ZNF248: variants seen among roughly 807,000 people sequenced by gnomAD.
The protein encoded by ZNF248 is zinc finger protein 248, also known as KRAB protein domain.
A neutral mutation model predicts 44.3 loss-of-function variants in ZNF248; 20 were observed. That is an observed-to-expected ratio of 0.45 (90% CI 0.32 to 0.66). The LOEUF (loss-of-function observed/expected upper bound fraction) is 0.66, where lower values mean the gene tolerates loss of function less well. Among genes scored for constraint, ZNF248 ranks in the 30% least tolerant of loss-of-function variants. The pLI is 0.04. For missense variants in ZNF248, 654 were observed against 677.0 expected (o/e 0.97, Z 0.38); for synonymous variants, 224 against 229.0 (o/e 0.98, Z 0.20).
chr10:37,762,137 A>G, the ZNF248 span, among the ~76,000 whole-genome samples: 1 of 152,242 alleles, frequency 6.6e-6, no homozygotes, highest in Non-Finnish European at 1.5e-5. Flanking sequence ...CTAGGTAGAC[A>G]ATGAAACAAA....
intron 6 of ZNF248, chr10:37,818,908 TAGA>T: frequency 2.8e-6 from 3 of 1,088,772 alleles, no homozygotes; most frequent in Non-Finnish European, 1.4e-6. Context: ...AAGACACTGA[TAGA>T]AGATCACACC....
chr10:37,817,824 TAGA>T (rs2052759352), intron 6 of ZNF248, among the ~76,000 whole-genome samples: 1 of 152,194 alleles, frequency 6.6e-6, no homozygotes, highest in East Asian at 1.9e-4. Flanking sequence ...ACAAACTTTT[TAGA>T]AGATGTTACC....
downstream of ZNF248, among the ~76,000 whole-genome samples, chr10:37,827,766 T>C (rs2054618168): frequency 6.6e-6 from 1 of 151,774 alleles, no homozygotes; most frequent in Non-Finnish European, 1.5e-5. Flanking sequence ...CAAACAGGGG[T>C]AGGGGTTGAA....
intron 6 of ZNF248, among the ~76,000 whole-genome samples, chr10:37,793,598 A>G (rs191786993): frequency 8.2e-4 from 124 of 151,138 alleles, no homozygotes; most frequent in Middle Eastern, 6.8e-3. Context: ...TCTAATGATT[A>G]TATTAAGGGC....
chr10:37,832,282 C>T lies in ZNF248; in HGVS notation c.1073G>A (p.Gly358Glu). ...ATGTGACTTCTTGCTGAAATTACTC[C>T]CATTTTCATTGTAATCATAAGACTT... ...GGKSYDYNEN[G>E]SNFSKKSHLT... Residue 358 changes from glycine (G) to glutamate (E), a missense_variant, in exon 6 of 6, where the codon GGG becomes GAG. Coordinates refer to ENST00000395867, the MANE Select transcript of ZNF248 (RefSeq NM_021045.3). The T allele has an allele frequency of 1.9e-6, 3 of 1,614,004 alleles. No homozygotes were observed. In the South Asian group the frequency reaches 3.3e-5, roughly 18 times the overall value.
At chr10:37,764,754 T>C in the ZNF248 span, among the ~76,000 whole-genome samples, 1 of 152,256 alleles carries the variant, frequency 6.6e-6, no homozygotes, top group East Asian at 1.9e-4. Context: ...CTTTGCCATG[T>C]TGACTGTTAA....
At chr10:37,827,683 T>C (rs2054601760), downstream of ZNF248, among the ~76,000 whole-genome samples, 2 of 152,046 alleles carry the variant, frequency 1.3e-5, no homozygotes, top group Non-Finnish European at 2.9e-5. Flanking sequence ...AATAGGTAAG[T>C]CTTCCTCAGA....
the ZNF248 span, among the ~76,000 whole-genome samples, chr10:37,766,919 A>G: frequency 6.6e-6 from 1 of 152,216 alleles, no homozygotes; most frequent in South Asian, 2.1e-4. Flanking sequence ...CAACACAGAG[A>G]AGTCCTTAAA....
chr10:37,776,486 G>A (rs1002088716), downstream of ZNF248: 1 of 398,102 alleles, frequency 2.5e-6, no homozygotes, highest in Non-Finnish European at 4.4e-6. Flanking sequence ...TCAGGTTAGA[G>A]AAGCAATCTT....
chr10:37,839,707 T>G (rs998408834), intron 3 of ZNF248, among the ~76,000 whole-genome samples: 2 of 152,108 alleles, frequency 1.3e-5, no homozygotes, highest in Admixed American at 6.6e-5. Context: ...AAAGGAGAAC[T>G]TGGAAATATA....
At chr10:37,781,717 C>T (rs987665543) in intron 6 of ZNF248, among the ~76,000 whole-genome samples, 16 of 152,184 alleles carry the variant, frequency 1.1e-4, no homozygotes, top group African/African-American at 3.9e-4. Flanking sequence ...GCTTAGGTGA[C>T]TATAGTTTGT....
chr10:37,762,348 G>C, the ZNF248 span, among the ~76,000 whole-genome samples: 3 of 152,174 alleles, frequency 2.0e-5, no homozygotes, highest in African/African-American at 4.8e-5. Flanking sequence ...GGTAACATTA[G>C]TATCATCATT....
intron 3 of ZNF248, among the ~76,000 whole-genome samples, chr10:37,842,635 T>C (rs2058545288): frequency 6.6e-6 from 1 of 152,208 alleles, no homozygotes; most frequent in Admixed American, 6.5e-5. Flanking sequence ...TGCTTGTCTC[T>C]GTTTCACCTA....
rs570608405 is a variant in ZNF248 at position 37,837,393 on chromosome 10, G to A, written c.238+224C>T. On this transcript the variant is annotated intron_variant, in intron 5 of 5. Coordinates refer to ENST00000395867, the MANE Select transcript of ZNF248 (RefSeq NM_021045.3). ...CTCCCAAAGTGCTGGGATTACAGGC[G>A]TGAGCCACCGCACCCAGCCAAGAAA... Among the ~76,000 whole-genome samples, 18 of 152,266 alleles carry A rather than the reference G, an allele frequency of 1.2e-4. No individual in the cohort carries two copies. The East Asian group carries it at 1.4e-3, about 11-fold the overall frequency.
At chr10:37,795,237 G>A (rs961700090) in intron 6 of ZNF248, 1 of 152,182 alleles carries the variant, frequency 6.6e-6, no homozygotes, top group Admixed American at 6.5e-5. Flanking sequence ...ATCATGAGAT[G>A]TCTACTTTGA....
At chr10:37,770,708 A>C in the ZNF248 span, among the ~76,000 whole-genome samples, 13 of 152,242 alleles carry the variant, frequency 8.5e-5, no homozygotes, top group African/African-American at 2.9e-4. Flanking sequence ...GGACACAGAC[A>C]TGGGGAAGGA....
chr10:37,760,711 G>A, the ZNF248 span, among the ~76,000 whole-genome samples: 5 of 152,076 alleles, frequency 3.3e-5, no homozygotes, highest in Admixed American at 6.5e-5. Context: ...GTGCATGCCT[G>A]TAATCCCAGC....
chr10:37,850,769 G>T (rs1392461251), intron 3 of ZNF248, among the ~76,000 whole-genome samples: 1 of 152,006 alleles, frequency 6.6e-6, no homozygotes, highest in Non-Finnish European at 1.5e-5. Context: ...CAAAAACTGA[G>T]CCTCAATCTA....
downstream of ZNF248, among the ~76,000 whole-genome samples, chr10:37,826,121 A>G (rs1455968940): frequency 6.6e-6 from 1 of 152,164 alleles, no homozygotes; most frequent in African/African-American, 2.4e-5. Flanking sequence ...TAACATGGAA[A>G]ACTGGTAATC....
Sources: gnomAD v4.1 joint callset for allele counts (sites outside exome capture counted in the v4.1 genomes callset) on GRCh38, gnomAD v4.1.1 for gene constraint, MANE v1.5 for transcripts, NCBI Gene and HGNC (gene_info 2026-07-23, HGNC 2026-07-21) for gene names.